HELLS: variants seen among roughly 807,000 people sequenced by gnomAD.
HELLS encodes the protein lymphoid-specific helicase.
A neutral mutation model predicts 120.0 loss-of-function variants in HELLS; 32 were observed. The ratio of observed to expected loss-of-function variants is 0.27; its 90% confidence interval spans 0.20 to 0.36. The LOEUF (loss-of-function observed/expected upper bound fraction) is 0.36, where lower values mean the gene tolerates loss of function less well. HELLS is among the 10% of genes least tolerant of loss of function. The pLI, the probability that HELLS is intolerant of heterozygous loss-of-function variation, is 1.00. For missense variants in HELLS, 650 were observed against 993.4 expected (o/e 0.65, Z 4.65); for synonymous variants, 341 against 323.4 (o/e 1.05, Z -0.58).
intron 9 of HELLS, among the ~76,000 whole-genome samples, chr10:94,608,840 T>C (rs1433905894): frequency 6.6e-6 from 1 of 151,982 alleles, no homozygotes; most frequent in Non-Finnish European, 1.5e-5. Context: ...TAAAGCCTTG[T>C]TTGCAAACTG....
intron 8 of HELLS, among the ~76,000 whole-genome samples, chr10:94,607,509 A>G (rs1319983009): frequency 1.3e-5 from 2 of 152,146 alleles, no homozygotes; most frequent in African/African-American, 2.4e-5. Context: ...ATTATTCTTA[A>G]ACTAGGCCTT....
At chr10:94,589,121 C>T (rs1253211143) in intron 13 of HELLS, among the ~76,000 whole-genome samples, 2 of 152,154 alleles carry the variant, frequency 1.3e-5, no homozygotes, top group East Asian at 3.9e-4. Context: ...GCACTCCAGC[C>T]TGGGCAGCAA....
chr10:94,582,202 G>T (rs1366500463), intron 11 of HELLS, among the ~76,000 whole-genome samples: 1 of 152,164 alleles, frequency 6.6e-6, no homozygotes, highest in Non-Finnish European at 1.5e-5. Context: ...TTTAAATTTT[G>T]GGAATTTATT....
exon 10 of HELLS, chr10:94,612,130 C>T (rs887726330): frequency 6.6e-6 from 1 of 152,104 alleles, no homozygotes; most frequent in Non-Finnish European, 1.5e-5. Flanking sequence ...TGTTTGGGGG[C>T]ATAGTCATAA....
At chr10:94,587,235 ATTAAAAAATTTTTAATT>A (rs1845210416) in intron 12 of HELLS, among the ~76,000 whole-genome samples, 1 of 152,136 alleles carries the variant, frequency 6.6e-6, no homozygotes, top group African/African-American at 2.4e-5. Context: ...ACCTCATTCT[ATTAAAAAATTTTTAATT>A]TTTAAAAAAA....
At chr10:94,570,933 T>C (rs950633920) in intron 6 of HELLS, 2 of 160,752 alleles carry the variant, frequency 1.2e-5, no homozygotes, top group African/African-American at 4.8e-5. Flanking sequence ...ACTCTGCTGT[T>C]GTTGCTTGAA....
chr10:94,598,464 G>GT (rs1845850071), intron 21 of HELLS, among the ~76,000 whole-genome samples: 1 of 151,740 alleles, frequency 6.6e-6, no homozygotes, highest in East Asian at 1.9e-4. Flanking sequence ...CTCAGTTTTT[G>GT]TTTTTTTTGA....
chr10:94,608,623 T>C (rs1472272025), intron 9 of HELLS, among the ~76,000 whole-genome samples: 3 of 148,000 alleles, frequency 2.0e-5, no homozygotes, highest in Admixed American at 1.4e-4. Context: ...AACACAGATA[T>C]GGCAGTTTTT....
At chr10:94,608,999 C>A in intron 9 of HELLS, among the ~76,000 whole-genome samples, 1 of 115,556 alleles carries the variant, frequency 8.7e-6, no homozygotes, top group South Asian at 3.1e-4. Flanking sequence ...CACTTTTTGT[C>A]TGTATCCACC....
At chr10:94,604,648 A>G (rs751653981), downstream of HELLS, among the ~76,000 whole-genome samples, 3 of 152,218 alleles carry the variant, frequency 2.0e-5, no homozygotes, top group Non-Finnish European at 4.4e-5. Flanking sequence ...AACATGAAAT[A>G]ATGATCCCTT....
intron 6 of HELLS, among the ~76,000 whole-genome samples, chr10:94,563,809 T>TTC (rs1554829471): frequency 2.0e-5 from 1 of 50,678 alleles, no homozygotes; most frequent in Non-Finnish European, 5.1e-5. Context: ...TTTTCTTTTC[T>TTC]TTTTTTTTTT....
intron 10 of HELLS, among the ~76,000 whole-genome samples, chr10:94,580,733 T>C (rs978350089): frequency 1.3e-5 from 2 of 152,182 alleles, no homozygotes; most frequent in Non-Finnish European, 2.9e-5. Context: ...CAGATTGTTA[T>C]TTATATTTCC....
downstream of HELLS, among the ~76,000 whole-genome samples, chr10:94,605,343 A>G (rs1846117410): frequency 6.6e-6 from 1 of 152,074 alleles, no homozygotes; most frequent in South Asian, 2.1e-4. Flanking sequence ...TCGGCCTCCC[A>G]AAGTGTTGGT....
intron 10 of HELLS, among the ~76,000 whole-genome samples, chr10:94,579,824 A>G (rs1031466290): frequency 2.6e-5 from 4 of 151,890 alleles, no homozygotes; most frequent in African/African-American, 9.7e-5. Context: ...CACTTTTGCA[A>G]CTTGTGTTTT....
intron 4 of HELLS, among the ~76,000 whole-genome samples, chr10:94,559,368 T>A (rs146694689): frequency 1.6e-4 from 24 of 152,300 alleles, no homozygotes; most frequent in African/African-American, 5.5e-4. Flanking sequence ...AGAAAGTATG[T>A]CTTGGGTAAG....
At chr10:94,606,613 G>GC (rs1472061147), downstream of HELLS, among the ~76,000 whole-genome samples, 22 of 152,042 alleles carry the variant, frequency 1.4e-4, no homozygotes, top group Admixed American at 1.4e-3. Flanking sequence ...GCTTCCCAAA[G>GC]CATTGGTATT....
intron 11 of HELLS, among the ~76,000 whole-genome samples, chr10:94,582,646 T>C (rs140506155): frequency 4.5e-4 from 69 of 152,280 alleles, no homozygotes; most frequent in Admixed American, 3.7e-3. Context: ...GTTCTCACTT[T>C]TGTAATGTAA....
chr10:94,563,443 TTTTC>T (rs1843648508), intron 6 of HELLS, among the ~76,000 whole-genome samples: 1 of 152,080 alleles, frequency 6.6e-6, no homozygotes, highest in South Asian at 2.1e-4. Flanking sequence ...TCTGGTTTTC[TTTTC>T]TTTCTTTCGT....
At position 94,545,858 on chromosome 10, in the gene HELLS, A is replaced by T. The variant is rs535488814; in HGVS notation, c.-64A>T. 6 of 1,517,970 alleles carry T rather than the reference A, an allele frequency of 4.0e-6. No homozygotes were observed. The African/African-American group carries it at 4.1e-5, about 10-fold the overall frequency. 94.0% of individuals were successfully genotyped at this position (1,517,970 alleles called of 1,614,324 possible). A position where few individuals can be genotyped will look rare whatever the true frequency, so the allele number is the denominator to read the frequency against. On this transcript the variant is annotated 5_prime_UTR_variant, in exon 1 of 22. Transcript: ENST00000348459. ...GGCTGGGCCGGCAGCGGTTGTGAGG[A>T]GTTAGCTCGCGGCATTGCAGGCTCT... is the stretch of plus-strand genomic sequence containing the variant.
Sources: gnomAD v4.1 joint callset for allele counts (sites outside exome capture counted in the v4.1 genomes callset) on GRCh38, gnomAD v4.1.1 for gene constraint, MANE v1.5 for transcripts, NCBI Gene and HGNC (gene_info 2026-07-23, HGNC 2026-07-21) for gene names.